The following DHRS9 variants were observed in gnomAD, a reference collection of about 807,000 sequenced individuals.
DHRS9 encodes dehydrogenase/reductase 9.
In DHRS9, 18 loss-of-function variants were observed where a neutral mutation model predicts 26.6. The ratio of observed to expected loss-of-function variants is 0.68; its 90% CI spans 0.47 to 1.00. The LOEUF (loss-of-function observed/expected upper bound fraction) is 1.00, where lower values mean the gene tolerates loss of function less well. Ranked by LOEUF, DHRS9 falls within the 50% of genes least tolerant of loss-of-function variation. The probability of loss-of-function intolerance (pLI) is 0.00; values close to 1 mark genes in which losing one functional copy is unlikely to be tolerated. For missense variants in DHRS9, 425 were observed against 378.7 expected, an observed-to-expected ratio of 1.12 and a Z score of -1.01; for synonymous variants, 134 against 141.1, an observed-to-expected ratio of 0.95 and a Z score of 0.36.
At chr2:169,067,983 T>A (rs1035838188), upstream of DHRS9, among the ~76,000 whole-genome samples, 1 of 152,208 alleles carries the variant, frequency 6.6e-6, no homozygotes, top group African/African-American at 2.4e-5. Flanking sequence ...TGACTTTTTT[T>A]AAGTCTATTT....
At chr2:169,067,988 C>G (rs1016571256), upstream of DHRS9, among the ~76,000 whole-genome samples, 11 of 152,090 alleles carry the variant, frequency 7.2e-5, no homozygotes, top group African/African-American at 2.7e-4. Flanking sequence ...TTTTTTAAGT[C>G]TATTTGGAAA....
chr2:169,069,507 A>G (rs1030925380), upstream of DHRS9: 9 of 985,234 alleles, frequency 9.1e-6, no homozygotes, highest in Non-Finnish European at 1.1e-5. Context: ...GTTGTGTCAC[A>G]ATGGGAGTGA....
chr2:169,095,242 C>T (rs898814970), intron 4 of DHRS9, among the ~76,000 whole-genome samples: 2 of 152,128 alleles, frequency 1.3e-5, no homozygotes, highest in African/African-American at 2.4e-5. Context: ...GTTAGAAATG[C>T]TCATTCTTGG....
upstream of DHRS9, among the ~76,000 whole-genome samples, chr2:169,068,952 T>G (rs1291392172): frequency 6.6e-6 from 1 of 152,174 alleles, no homozygotes; most frequent in Non-Finnish European, 1.5e-5. Context: ...TGTGATCAAC[T>G]CTGACACAGA....
In DHRS9 at chr2:169,081,591, T is replaced by G. The variant is rs1175689542; in HGVS notation, c.10T>G (p.Trp4Gly). 1.2e-6 allele frequency: 2 copies of G among 1,613,888 alleles called. No homozygotes were observed. Among genetic ancestry groups the G allele is most frequent in the Admixed American group, 3.3e-5 (2 of 59,972 alleles). Residue 4 changes from tryptophan to glycine, a missense_variant, in exon 2 of 5, where the codon TGG (tryptophan) becomes GGG (glycine). Transcript: ENST00000674881. ...ACACACAGGGGGAAAAATGCTCTTT[T>G]GGGTGCTAGGCCTCCTAATCCTCTG... is the stretch of plus-strand genomic sequence containing the variant. MLF[W>G]VLGLLILCGF...
At position 169,079,983 on chromosome 2, in the gene DHRS9, G is replaced by GAGAAAGAAAGAAAGAA. The variant is rs1279888912; in HGVS notation, c.-59-1486_-59-1471dup. Among the ~76,000 whole-genome samples the GAGAAAGAAAGAAAGAA allele has an allele frequency of 8.3e-3, 388 of 46,824 alleles. 6 individuals are homozygous for GAGAAAGAAAGAAAGAA. Among genetic ancestry groups the GAGAAAGAAAGAAAGAA allele is most frequent in the South Asian group, 0.011 (10 of 928 alleles). The allele number at this position is 46,824 out of a possible 152,430, so 30.7% of individuals were successfully genotyped here. On this transcript the variant is annotated intron_variant, in intron 1 of 4. Coordinates refer to ENST00000674881, the MANE Select transcript of DHRS9 (RefSeq NM_001376924.1). The stretch of plus-strand genomic sequence containing the variant: ...AGAGAGAGAGAGAGAGAGAGAGAGA[G>GAGAAAGAAAGAAAGAA]AGAAAGAAAGAAAGAAAGAAAGAAA...
intron 1 of DHRS9, among the ~76,000 whole-genome samples, chr2:169,071,224 G>C (rs1683795577): frequency 6.6e-6 from 1 of 152,148 alleles, no homozygotes; most frequent in Non-Finnish European, 1.5e-5. Context: ...AATGATAACT[G>C]TACACAACAT....
chr2:169,072,561 A>G, intron 1 of DHRS9: 1 of 974,060 alleles, frequency 1.0e-6, no homozygotes, highest in South Asian at 4.7e-5. Flanking sequence ...ATCCTATTTT[A>G]ACTTTTTTAC....
rs1368930056 is a variant in DHRS9, at chr2:169,089,135, CAT to C, written c.573-2654_573-2653del. Among the ~76,000 whole-genome samples, 7 of 152,266 alleles carry C rather than the reference CAT, an allele frequency of 4.6e-5. No individual in the cohort carries two copies. In the East Asian group the frequency reaches 1.4e-3, roughly 29 times the overall value. On this transcript the variant is annotated intron_variant, in intron 3 of 4. Coordinates refer to ENST00000674881, the MANE Select transcript of DHRS9 (RefSeq NM_001376924.1). ...AGAGTATGCTTAAAGGACTTATAAA[CAT>C]GTGTGAGGTATCTACTGAAATCTCA...
intron 3 of DHRS9, among the ~76,000 whole-genome samples, chr2:169,089,579 A>G (rs1411671058): frequency 3.3e-5 from 5 of 152,220 alleles, no homozygotes; most frequent in Non-Finnish European, 7.3e-5. Flanking sequence ...TGTTGAAGGC[A>G]TATGTTAGAG....
chr2:169,076,952 G>T (rs951787712), intron 1 of DHRS9, among the ~76,000 whole-genome samples: 1 of 152,128 alleles, frequency 6.6e-6, no homozygotes, highest in Non-Finnish European at 1.5e-5. Context: ...CATCATAATG[G>T]TCTTCACCCT....
intron 4 of DHRS9, among the ~76,000 whole-genome samples, chr2:169,092,533 C>T (rs1327082909): frequency 6.6e-6 from 1 of 152,158 alleles, no homozygotes. Flanking sequence ...ATCTAACAGC[C>T]CAGAAATGGT....
upstream of DHRS9, among the ~76,000 whole-genome samples, chr2:169,067,857 G>T (rs75514389): frequency 0.024 from 3,588 of 152,248 alleles, 158 homozygotes; most frequent in African/African-American, 0.082. Flanking sequence ...GGGGTGTTCT[G>T]GCTGTGGTGC....
intron 1 of DHRS9, among the ~76,000 whole-genome samples, chr2:169,080,028 A>AGAAAGAAT (rs1558951668): frequency 1.5e-5 from 2 of 136,442 alleles, no homozygotes; most frequent in African/African-American, 5.3e-5. Context: ...AAAGAAAGAA[A>AGAAAGAAT]GAAAGAAAGA....
chr2:169,074,521 C>G (rs763115309), intron 1 of DHRS9: 69 of 884,038 alleles, frequency 7.8e-5, no homozygotes, highest in Non-Finnish European at 2.6e-5. Flanking sequence ...CAGAGGTAAC[C>G]ACAGCTGGCG....
rs1684534082 is a variant in DHRS9, at chr2:169,091,762, A to C, written c.573-28A>C. 6 of 1,567,300 alleles carry C rather than the reference A, an allele frequency of 3.8e-6. No homozygotes were observed. The African/African-American group carries it at 8.2e-5, about 21-fold the overall frequency. ...AATATTTTCTAAACAAACCCGGATT[A>C]AACATCTTCAATGGGTTCTTTTCAC... On this transcript the variant is annotated intron_variant, in intron 3 of 4. Coordinates refer to ENST00000674881, the MANE Select transcript of DHRS9 (RefSeq NM_001376924.1).
In DHRS9 at chr2:169,081,265, A is replaced by G. The variant is rs959802987; in HGVS notation, c.-59-258A>G. The G allele has an allele frequency of 8.6e-6, 7 of 816,280 alleles. No homozygotes were observed. In the South Asian group the frequency reaches 1.9e-4, roughly 22 times the overall value. The allele number at this position is 816,280 out of a possible 1,614,324, so 50.6% of individuals were successfully genotyped here. ...CGTGGCAACTCAATGGCTTGTGTCA[A>G]TTTTGCCATGGCTCCCCTCTCCCTC... is the stretch of plus-strand genomic sequence containing the variant. On this transcript the variant is annotated intron_variant, in intron 1 of 4. Transcript: ENST00000674881.
chr2:169,070,275 C>T lies in DHRS9; in HGVS notation c.-60+558C>T, dbSNP rs1172826086. 1.1e-5 allele frequency: 11 copies of T among 985,202 alleles called. No homozygotes were observed. In the Admixed American group the frequency reaches 6.8e-4, roughly 61 times the overall value. The allele number at this position is 985,202 out of a possible 1,614,324, so 61.0% of individuals were successfully genotyped here. ...AATTCCCAACAATTCATATTTGATC[C>T]CTGGATCCAGGGGTGGCAGCAATAA... On this transcript the variant is annotated intron_variant, in intron 1 of 4. Transcript: ENST00000674881.
At chr2:169,094,444 A>G (rs1396169028) in intron 4 of DHRS9, among the ~76,000 whole-genome samples, 1 of 151,424 alleles carries the variant, frequency 6.6e-6, no homozygotes, top group Non-Finnish European at 1.5e-5. Flanking sequence ...CCACTTATCT[A>G]GTTTTGCTGT....
Sources: allele counts gnomAD v4.1 joint callset (sites outside exome capture counted in the v4.1 genomes callset), GRCh38; gene constraint gnomAD v4.1.1; transcripts MANE v1.5; gene names NCBI Gene and HGNC (gene_info 2026-07-23, HGNC 2026-07-21).